CAV1: variants seen among roughly 807,000 people sequenced by gnomAD.
The protein encoded by CAV1 is caveolin-1.
CAV1 carries 10 observed loss-of-function variants against 16.5 expected under a neutral mutation model. The ratio of observed to expected loss-of-function variants is 0.61; its 90% CI spans 0.37 to 1.03. The LOEUF (loss-of-function observed/expected upper bound fraction) is 1.03. CAV1 is among the 50% of genes least tolerant of loss of function. CAV1 has a pLI of 0.01. For missense variants in CAV1, 212 were observed against 232.8 expected, an observed-to-expected ratio of 0.91 and a Z score of 0.58; for synonymous variants, 76 against 85.1, an observed-to-expected ratio of 0.89 and a Z score of 0.59.
chr7:116,544,436 G>A (rs2116031414), intron 2 of CAV1, among the ~76,000 whole-genome samples: 1 of 152,088 alleles, frequency 6.6e-6, no homozygotes, highest in Non-Finnish European at 1.5e-5. Flanking sequence ...TTAGAGTCTA[G>A]TATCAGAAAT....
At chr7:116,546,820 C>T (rs1794060961) in intron 2 of CAV1, among the ~76,000 whole-genome samples, 1 of 152,034 alleles carries the variant, frequency 6.6e-6, no homozygotes, top group South Asian at 2.1e-4. Flanking sequence ...TAGGGCTTCC[C>T]TAAAAAAGTA....
At chr7:116,530,975 A>G (rs1793676942) in intron 2 of CAV1, among the ~76,000 whole-genome samples, 1 of 152,256 alleles carries the variant, frequency 6.6e-6, no homozygotes, top group Non-Finnish European at 1.5e-5. Flanking sequence ...ATCATGGTCC[A>G]GATGTGAAAT....
At chr7:116,538,668 A>T (rs1260125352) in intron 2 of CAV1, among the ~76,000 whole-genome samples, 1 of 152,214 alleles carries the variant, frequency 6.6e-6, no homozygotes, top group Non-Finnish European at 1.5e-5. Flanking sequence ...AGTCATTCTC[A>T]TATAATGTAC....
Position 116,526,493 on chromosome 7 carries a change from C to T in CAV1, c.31-32C>T, listed in dbSNP as rs567595210. The T allele has an allele frequency of 9.9e-6, 16 of 1,613,274 alleles. No individual in the cohort carries two copies. In the East Asian group the frequency reaches 2.5e-4, roughly 25 times the overall value. On this transcript the variant is annotated intron_variant, in intron 1 of 2. Transcript: ENST00000341049. ...CTCCCACCGCCGTTGCCGCCCTCCC[C>T]GTCCTGGCCGTCCGCCCTCCGCCCT... is the stretch of plus-strand genomic sequence containing the variant.
intron 2 of CAV1, among the ~76,000 whole-genome samples, chr7:116,550,736 A>G (rs1159010082): frequency 3.3e-5 from 5 of 152,240 alleles, no homozygotes; most frequent in Admixed American, 6.5e-5. Flanking sequence ...TTTGACACGT[A>G]CATTAGGATT....
intron 2 of CAV1, 105 bp downstream of exon 2, chr7:116,526,794 C>A: frequency 1.6e-6 from 2 of 1,288,980 alleles, no homozygotes; most frequent in South Asian, 1.3e-5. Flanking sequence ...CCACCCCGCC[C>A]CCTACACGCG....
intron 2 of CAV1, among the ~76,000 whole-genome samples, chr7:116,546,284 A>G (rs1162325693): frequency 6.6e-6 from 1 of 152,178 alleles, no homozygotes; most frequent in East Asian, 1.9e-4. Context: ...TTTTGTGATA[A>G]TGAACACGTG....
At chr7:116,547,489 C>T (rs1304527550) in intron 2 of CAV1, among the ~76,000 whole-genome samples, 2 of 152,156 alleles carry the variant, frequency 1.3e-5, no homozygotes, top group African/African-American at 4.8e-5. Context: ...CTTTCTCTGA[C>T]ACATCTGTGC....
rs1793567542 is a variant in CAV1 at position 116,526,592 on chromosome 7, C to A, written c.98C>A (p.Ala33Glu). The change falls in exon 2 of 3, where the codon GCA (alanine) becomes GAA (glutamate). Residue 33 changes from alanine (A) to glutamate (E), a missense_variant. Physicochemically the swap from Ala to Glu is moderately radical, Grantham distance 107. Coordinates refer to ENST00000341049, the MANE Select transcript of CAV1 (RefSeq NM_001753.5). Reference sequence around the variant, plus strand: ...TACAAGCCCAACAACAAGGCCATGGCAGACGAGCTGAGCGAGAAGCAAGTG... The same window carrying A: ...TACAAGCCCAACAACAAGGCCATGGAAGACGAGCTGAGCGAGAAGCAAGTG... ...NIYKPNNKAM[A>E]DELSEKQVYD... The A allele has an allele frequency of 1.2e-6, 2 of 1,614,088 alleles. No homozygotes were observed. The highest frequency in any genetic ancestry group is 2.7e-5 in the African/African-American group (2 of 74,922).
At chr7:116,531,424 G>A (rs1165509129) in intron 2 of CAV1, among the ~76,000 whole-genome samples, 1 of 152,184 alleles carries the variant, frequency 6.6e-6, no homozygotes, top group Non-Finnish European at 1.5e-5. Context: ...ATGCACGCAG[G>A]TGATAATCAG....
Position 116,526,269 on chromosome 7 carries a change from GC to G in CAV1, c.31-255del, listed in dbSNP as rs908258265. 141 of 1,256,546 alleles carry G rather than the reference GC, an allele frequency of 1.1e-4. No homozygotes were observed. The highest frequency in any genetic ancestry group is 1.3e-4 in the Non-Finnish European group (132 of 987,866). The allele number at this position is 1,256,546 out of a possible 1,614,324, so 77.8% of individuals were successfully genotyped here. ...GGCCTGCCCTGACCCCTGGCGGCGG[GC>G]GGGGGAGGCAGGCGCGCCCTGCAGA... On this transcript the variant is annotated intron_variant, in intron 1 of 2. Coordinates refer to ENST00000341049, the MANE Select transcript of CAV1 (RefSeq NM_001753.5).
chr7:116,552,526 A>G (rs1390581299), intron 2 of CAV1, among the ~76,000 whole-genome samples: 1 of 152,244 alleles, frequency 6.6e-6, no homozygotes, highest in Non-Finnish European at 1.5e-5. Context: ...TATCTAAGTC[A>G]CATAAGCAAA....
chr7:116,543,490 A>T (rs1036932878), intron 2 of CAV1, among the ~76,000 whole-genome samples: 12 of 152,210 alleles, frequency 7.9e-5, no homozygotes, highest in Admixed American at 7.9e-4. Flanking sequence ...TCCCATTCTG[A>T]TCTGGGCTCA....
chr7:116,530,208 C>CTCTTTTTTTTTTTTTTTTTTT (rs370865342), intron 2 of CAV1, among the ~76,000 whole-genome samples: 2 of 125,362 alleles, frequency 1.6e-5, no homozygotes, highest in African/African-American at 6.4e-5. Flanking sequence ...GTCCTTTTTC[C>CTCTTTTTTTTTTTTTTTTTTT]TTTTTTTTTT....
At chr7:116,532,161 G>T (rs2115960360) in intron 2 of CAV1, among the ~76,000 whole-genome samples, 1 of 152,302 alleles carries the variant, frequency 6.6e-6, no homozygotes, top group East Asian at 1.9e-4. Context: ...CATGATGTGG[G>T]ATATTCTTTC....
chr7:116,550,423 A>C (rs1399205405), intron 2 of CAV1, among the ~76,000 whole-genome samples: 2 of 152,160 alleles, frequency 1.3e-5, no homozygotes, highest in Non-Finnish European at 2.9e-5. Context: ...CCGTCAACAC[A>C]GGCATCTACA....
At chr7:116,526,781 ACC>A in intron 2 of CAV1, 92 bp downstream of exon 2, 2 of 1,410,106 alleles carry the variant, frequency 1.4e-6, no homozygotes, top group Non-Finnish European at 2.0e-6. Context: ...GTGTACGCAC[ACC>A]CCACCCCGCC....
At chr7:116,529,044 G>A (rs926364260) in intron 2 of CAV1, among the ~76,000 whole-genome samples, 3 of 152,042 alleles carry the variant, frequency 2.0e-5, no homozygotes, top group African/African-American at 7.2e-5. Flanking sequence ...TGGCCAGGCT[G>A]GTCTTGAACT....
At chr7:116,526,186 G>A in intron 1 of CAV1, 1 of 717,726 alleles carries the variant, frequency 1.4e-6, no homozygotes, top group Non-Finnish European at 1.7e-6. Context: ...CGGGTCCTGC[G>A]GGTCCTGCGT....
Sources: gnomAD v4.1 joint callset for allele counts (sites outside exome capture counted in the v4.1 genomes callset) on GRCh38, gnomAD v4.1.1 for gene constraint, MANE v1.5 for transcripts, NCBI Gene and HGNC (gene_info 2026-07-23, HGNC 2026-07-21) for gene names.